Variants in PDE8A observed in about 807,000 individuals in gnomAD.
PDE8A encodes the protein high affinity cAMP-specific and IBMX-insensitive 3',5'-cyclic phosphodiesterase 8A.
In PDE8A, 59 loss-of-function variants were observed where a neutral mutation model predicts 105.0. That is an observed-to-expected ratio of 0.56 (90% CI 0.46 to 0.70). The LOEUF (loss-of-function observed/expected upper bound fraction) is 0.70. Among genes scored for constraint, PDE8A ranks in the 30% least tolerant of loss-of-function variants. The probability of loss-of-function intolerance (pLI) is 0.00; values close to 1 mark genes in which losing one functional copy is unlikely to be tolerated. For synonymous variants in PDE8A, 355 were observed against 371.9 expected, an observed-to-expected ratio of 0.95 and a Z score of 0.52; for missense variants, 1,014 against 1,045.9, an observed-to-expected ratio of 0.97 and a Z score of 0.42.
At chr15:85,108,999 T>C in intron 11 of PDE8A, 54 bp from the exon 12 acceptor site, 1 of 1,266,872 alleles carries the variant, frequency 7.9e-7, no homozygotes, top group Non-Finnish European at 1.1e-6. Flanking sequence ...GTAACCTTCC[T>C]TAATATGTTG....
chr15:85,115,770 A>C, intron 15 of PDE8A: 3 of 546,822 alleles, frequency 5.5e-6, no homozygotes, highest in Non-Finnish European at 9.6e-6. Flanking sequence ...AAATACAAAA[A>C]ATTAGCCAGG....
rs1468390872 is a variant in PDE8A at position 85,100,042 on chromosome 15, C to T, written c.969C>T (p.Ile323=). 2 of 1,613,436 alleles carry T rather than the reference C, an allele frequency of 1.2e-6. No homozygotes were observed. Among genetic ancestry groups the T allele is most frequent in the Non-Finnish European group, 1.7e-6 (2 of 1,179,676 alleles). ...AAATTAGACACTATGTGTCCATTATCAGAGTGTGCAATGGCAACAATAAGG... is the reference window on the plus strand; with the variant it reads ...AAATTAGACACTATGTGTCCATTATTAGAGTGTGCAATGGCAACAATAAGG... ...GGKIRHYVSI[I]RVCNGNNKAE... Residue 323 remains isoleucine, a synonymous_variant, in exon 10 of 22, where the codon ATC becomes ATT. Coordinates refer to ENST00000394553, the MANE Select transcript of PDE8A (RefSeq NM_002605.3).
chr15:85,122,862 C>T (rs554290781), intron 18 of PDE8A, among the ~76,000 whole-genome samples, 199 bp from the exon 19 acceptor site: 1 of 152,322 alleles, frequency 6.6e-6, no homozygotes, highest in Non-Finnish European at 1.5e-5. Flanking sequence ...GTTTTAACTT[C>T]TTTTGAGGTT....
At chr15:85,091,219 C>CA (rs986184848) in intron 8 of PDE8A, 38 bp downstream of exon 8, 1 of 1,548,404 alleles carries the variant, frequency 6.5e-7, no homozygotes, top group African/African-American at 1.4e-5. Context: ...ACTTTCACAA[C>CA]ACAGAGAGAA....
At chr15:85,061,311 G>GC (rs2081141158) in intron 1 of PDE8A, among the ~76,000 whole-genome samples, 1 of 151,946 alleles carries the variant, frequency 6.6e-6, no homozygotes, top group Non-Finnish European at 1.5e-5. Context: ...TCGGCTCACT[G>GC]CAACTTCTGC....
At chr15:85,041,638 A>G (rs757719795) in intron 1 of PDE8A, among the ~76,000 whole-genome samples, 7 of 152,178 alleles carry the variant, frequency 4.6e-5, no homozygotes, top group Non-Finnish European at 5.9e-5. Context: ...TTTCTTATAT[A>G]AACACCAGAC....
intron 3 of PDE8A, among the ~76,000 whole-genome samples, chr15:85,075,153 G>T (rs2081363732): frequency 6.6e-6 from 1 of 152,174 alleles, no homozygotes. Context: ...TATTTTGGCT[G>T]TATTTTCATT....
At chr15:85,043,275 G>C (rs1409387601) in intron 1 of PDE8A, among the ~76,000 whole-genome samples, 11 of 152,182 alleles carry the variant, frequency 7.2e-5, no homozygotes, top group Non-Finnish European at 7.3e-5. Context: ...ATAGCACTGA[G>C]TTCTCAACCT....
Position 85,113,965 on chromosome 15 carries a change from G to T in PDE8A, c.1278G>T (p.Glu426Asp). The T allele has an allele frequency of 2.5e-6, 4 of 1,613,918 alleles. No homozygotes were observed. In the South Asian group the frequency reaches 4.4e-5, roughly 18 times the overall value. The stretch of plus-strand genomic sequence containing the variant: ...TGCTGGAAATTCTAAGAACCACTGA[G>T]TTATATTCACCACAGTTTGGTGCTA... The part of the protein sequence containing the change: ...DRVLEILRTT[E>D]LYSPQFGAKD... Residue 426 changes from glutamate (E) to aspartate (D), a missense_variant, in exon 14 of 22, where the codon GAG becomes GAT. By Grantham distance (45) the Glu-to-Asp change is conservative. Transcript: ENST00000394553.
chr15:84,982,152 C>G lies in PDE8A; in HGVS notation c.-11C>G. 1 of 1,338,900 alleles carries G rather than the reference C, an allele frequency of 7.5e-7. No homozygotes were observed. The highest frequency in any genetic ancestry group is 1.5e-5 in the African/African-American group (1 of 65,440). The allele number at this position is 1,338,900 out of a possible 1,614,324, so 82.9% of individuals were successfully genotyped here. ...GCTACCCGCCAGCGTGTCCGCGGCG[C>G]CGCCGCCAGCATGGGCTGTGCCCCG... On this transcript the variant is annotated 5_prime_UTR_variant, in exon 1 of 22. Transcript: ENST00000394553.
Position 85,120,883 on chromosome 15 carries a change from C to T in PDE8A, c.1821C>T (p.Phe607=), listed in dbSNP as rs779087799. The T allele has an allele frequency of 8.7e-6, 14 of 1,613,926 alleles. No individual in the cohort carries two copies. The South Asian group carries it at 1.2e-4, about 14-fold the overall frequency. The change falls in exon 18 of 22, where the codon TTC becomes TTT. Residue 607 remains phenylalanine, a synonymous_variant. Transcript: ENST00000394553. ...DVDHPGRTNS[F]LCNAGSELAI... ...ATCACCCTGGGAGAACCAACTCCTT[C>T]CTGTGTAATGCTGGAAGTGAGCTGG...
Position 84,982,216 on chromosome 15 carries a change from GCCTAGCCCCGCGGCACCGCCGCTGTCGT to G in PDE8A, c.57_84del (p.Ser20AlafsTer35). ...CCGAGCGCCTGGTGGCCGAGGACGCGCCTAGCCCCGCGGCACCGCCGCTGTCGTCCGGCGGGCCGCGCCTCCCGCAGGG... is the reference window on the plus strand; with the variant it reads ...CCGAGCGCCTGGTGGCCGAGGACGCGCCGGCGGGCCGCGCCTCCCGCAGGG... On this transcript the variant is annotated frameshift_variant, in exon 1 of 22. Transcript: ENST00000394553. LOFTEE classifies it high-confidence loss of function. 6.1e-6 allele frequency: 9 copies of G among 1,480,382 alleles called. No homozygotes were observed. The highest frequency in any genetic ancestry group is 8.0e-6 in the Non-Finnish European group (9 of 1,123,602). The allele number at this position is 1,480,382 out of a possible 1,614,324, so 91.7% of individuals were successfully genotyped here.
At chr15:85,034,230 A>G (rs999232247) in intron 1 of PDE8A, among the ~76,000 whole-genome samples, 4 of 152,246 alleles carry the variant, frequency 2.6e-5, no homozygotes, top group Non-Finnish European at 4.4e-5. Flanking sequence ...TTTATATTCA[A>G]TGAAATTGTT....
intron 1 of PDE8A, among the ~76,000 whole-genome samples, chr15:85,054,296 T>G (rs1050489674): frequency 6.6e-6 from 1 of 152,316 alleles, no homozygotes; most frequent in Admixed American, 6.5e-5. Flanking sequence ...TTGTTGTGTC[T>G]CTGCCAGGCT....
intron 5 of PDE8A, among the ~76,000 whole-genome samples, chr15:85,081,325 G>C (rs536080104): frequency 6.6e-6 from 1 of 152,300 alleles, no homozygotes; most frequent in Non-Finnish European, 1.5e-5. Context: ...GTGCACATTA[G>C]AATCACCTGA....
intron 1 of PDE8A, among the ~76,000 whole-genome samples, chr15:84,986,810 T>G (rs935622167): frequency 2.6e-5 from 4 of 151,912 alleles, no homozygotes; most frequent in African/African-American, 9.7e-5. Context: ...GACGAGATCT[T>G]GCTGTGCTGC....
chr15:84,981,282 G>C (rs1232141747), upstream of PDE8A, among the ~76,000 whole-genome samples: 2 of 152,196 alleles, frequency 1.3e-5, no homozygotes, highest in Non-Finnish European at 2.9e-5. Context: ...TCCGGAGGAG[G>C]TGGCGGGCGC....
chr15:85,090,608 T>C (rs1339157903), intron 7 of PDE8A: 1 of 284,700 alleles, frequency 3.5e-6, no homozygotes, highest in African/African-American at 2.2e-5. Flanking sequence ...TCAGAGGGAT[T>C]AAGTGACTTG....
intron 1 of PDE8A, among the ~76,000 whole-genome samples, chr15:84,999,161 C>A (rs1364491980): frequency 6.8e-6 from 1 of 147,490 alleles, no homozygotes; most frequent in African/African-American, 2.5e-5. Context: ...TGCTCTGTCA[C>A]CTAGGCTGGA....
Sources: allele counts gnomAD v4.1 joint callset (sites outside exome capture counted in the v4.1 genomes callset), GRCh38; gene constraint gnomAD v4.1.1; transcripts MANE v1.5; gene names NCBI Gene and HGNC (gene_info 2026-07-23, HGNC 2026-07-21).